Variants in AGBL1 observed in about 807,000 individuals in gnomAD.
The protein encoded by AGBL1 is AGBL carboxypeptidase 1, also known as cytosolic carboxypeptidase 4.
In AGBL1, 130 loss-of-function variants were observed where a neutral mutation model predicts 118.9. That is an observed-to-expected ratio of 1.09 (90% CI 0.95 to 1.26). The LOEUF is 1.26. Among genes scored for constraint, AGBL1 ranks in the 50% most tolerant of loss-of-function variants. The probability of loss-of-function intolerance (pLI) is 0.00; values close to 1 mark genes in which losing one functional copy is unlikely to be tolerated. For missense variants in AGBL1, 1,584 were observed against 1,298.1 expected (o/e 1.22, Z -3.38); for synonymous variants, 555 against 478.9 (o/e 1.16, Z -2.08).
At chr15:86,120,193 G>A (rs541253009) in intron 1 of AGBL1, among the ~76,000 whole-genome samples, 1 of 152,114 alleles carries the variant, frequency 6.6e-6, no homozygotes, top group Non-Finnish European at 1.5e-5. Flanking sequence ...TGTACTTGGG[G>A]CTGTAAGATA....
At chr15:86,472,994 G>C (rs970605097) in intron 18 of AGBL1, among the ~76,000 whole-genome samples, 1 of 151,990 alleles carries the variant, frequency 6.6e-6, no homozygotes, top group Non-Finnish European at 1.5e-5. Context: ...ATATTTTAAT[G>C]GATTTCTTTC....
intron 5 of AGBL1, among the ~76,000 whole-genome samples, chr15:86,197,356 C>T (rs1335857314): frequency 3.9e-5 from 6 of 152,066 alleles, no homozygotes; most frequent in Admixed American, 2.6e-4. Context: ...ATGGAAAGAA[C>T]GTTGGTAGAA....
chr15:86,088,721 A>G (rs981264657), intron 1 of AGBL1, among the ~76,000 whole-genome samples: 1 of 152,200 alleles, frequency 6.6e-6, no homozygotes, highest in Non-Finnish European at 1.5e-5. Flanking sequence ...TTTCTTTACT[A>G]AAGAATCTTC....
At chr15:86,559,127 G>C (rs1430649518) in intron 21 of AGBL1, among the ~76,000 whole-genome samples, 1 of 152,022 alleles carries the variant, frequency 6.6e-6, no homozygotes, top group Non-Finnish European at 1.5e-5. Context: ...CTCTATCTCT[G>C]TGTCTCCCCT....
At chr15:86,880,417 G>T (rs369094638) in intron 22 of AGBL1, among the ~76,000 whole-genome samples, 8 of 152,310 alleles carry the variant, frequency 5.3e-5, no homozygotes, top group East Asian at 1.9e-4. Context: ...GCATGGAGCA[G>T]GGGATGGAGA....
chr15:86,412,375 A>G (rs1288029056), intron 18 of AGBL1, among the ~76,000 whole-genome samples: 1 of 152,220 alleles, frequency 6.6e-6, no homozygotes, highest in Non-Finnish European at 1.5e-5. Context: ...TTCTTCATTA[A>G]TCATGACTAT....
At chr15:86,147,460 C>T (rs963115148) in intron 3 of AGBL1, among the ~76,000 whole-genome samples, 2 of 152,236 alleles carry the variant, frequency 1.3e-5, no homozygotes, top group African/African-American at 4.8e-5. Flanking sequence ...GTAATTCTCT[C>T]CTGTGCCTGG....
chr15:86,323,336 A>G (rs1252163461), intron 17 of AGBL1, among the ~76,000 whole-genome samples: 1 of 152,126 alleles, frequency 6.6e-6, no homozygotes, highest in East Asian at 1.9e-4. Context: ...CAAATAAAGT[A>G]CTTGGCTTTT....
At chr15:86,152,894 C>G (rs1018031443) in intron 3 of AGBL1, among the ~76,000 whole-genome samples, 1 of 152,188 alleles carries the variant, frequency 6.6e-6, no homozygotes, top group Non-Finnish European at 1.5e-5. Context: ...ATGCAGCCAA[C>G]AGACATGTGA....
rs1303150324 is a variant in AGBL1, at chr15:86,613,489, A to T, written c.2994+58952A>T. ...CTCAGACAGAGAAGGCTTGCTGTGA[A>T]GTACTTAAAGGCTGCCATGTGAAAG... On this transcript the variant is annotated intron_variant, in intron 21 of 22. Coordinates refer to ENST00000614907, the MANE Select transcript of AGBL1 (RefSeq NM_001386094.1). This position sits in a 1 kb window ranked among gnomAD's most constrained non-coding sequence, Gnocchi z 4.2. Among the ~76,000 whole-genome samples, 1 of 152,146 alleles carries T rather than the reference A, an allele frequency of 6.6e-6. No homozygotes were observed. Among genetic ancestry groups the T allele is most frequent in the Non-Finnish European group, 1.5e-5 (1 of 68,028 alleles).
chr15:86,973,523 G>C (rs1232412708), intron 23 of AGBL1, among the ~76,000 whole-genome samples: 1 of 151,450 alleles, frequency 6.6e-6, no homozygotes, highest in Admixed American at 6.6e-5. Context: ...GGTTGGCCTA[G>C]CATGATCGGA....
intron 22 of AGBL1, among the ~76,000 whole-genome samples, chr15:86,866,039 C>T (rs1311466424): frequency 1.3e-5 from 2 of 152,198 alleles, no homozygotes; most frequent in African/African-American, 4.8e-5. Context: ...TTTCCCTTCC[C>T]CCCAAGTTGC....
At chr15:86,716,040 T>C (rs1335472115) in intron 22 of AGBL1, among the ~76,000 whole-genome samples, 1 of 144,062 alleles carries the variant, frequency 6.9e-6, no homozygotes, top group Non-Finnish European at 1.5e-5. Context: ...CACTCCAGCC[T>C]GGGCAACAGA....
intron 22 of AGBL1, among the ~76,000 whole-genome samples, chr15:86,831,839 C>A (rs1240500779): frequency 1.3e-5 from 2 of 152,144 alleles, no homozygotes; most frequent in African/African-American, 4.8e-5. Context: ...GGGCTTGCAC[C>A]CCACATCTCC....
chr15:87,008,225 G>C (rs1038487834), intron 24 of AGBL1, among the ~76,000 whole-genome samples: 5 of 152,168 alleles, frequency 3.3e-5, no homozygotes, highest in African/African-American at 1.2e-4. Context: ...ATCTCATCTA[G>C]AATTCCCATG....
chr15:86,654,992 G>T (rs1645780243), intron 21 of AGBL1, among the ~76,000 whole-genome samples: 2 of 152,126 alleles, frequency 1.3e-5, no homozygotes, highest in Non-Finnish European at 2.9e-5. Context: ...CAGAAAAGCA[G>T]TTGGAGGTCT....
chr15:86,206,014 C>T (rs1428815021), intron 5 of AGBL1, among the ~76,000 whole-genome samples: 1 of 152,080 alleles, frequency 6.6e-6, no homozygotes, highest in South Asian at 2.1e-4. Context: ...GTGTGATGTT[C>T]CCTGCCCTGT....
chr15:86,092,627 G>A (rs1896109851), intron 1 of AGBL1, among the ~76,000 whole-genome samples: 1 of 152,054 alleles, frequency 6.6e-6, no homozygotes. Context: ...CAGTAACAGA[G>A]TACCAAAAAC....
At chr15:86,093,661 C>T (rs555986816) in intron 1 of AGBL1, among the ~76,000 whole-genome samples, 1 of 152,262 alleles carries the variant, frequency 6.6e-6, no homozygotes, top group African/African-American at 2.4e-5. Context: ...ATAGGTTTAA[C>T]TGCAGATTAG....
Sources: gnomAD v4.1 joint callset for allele counts (sites outside exome capture counted in the v4.1 genomes callset) on GRCh38, gnomAD v4.1.1 for gene constraint, Gnocchi (gnomAD v3.1) non-coding constraint, MANE v1.5 for transcripts, NCBI Gene and HGNC (gene_info 2026-07-23, HGNC 2026-07-21) for gene names.